Variants in MOBP observed in about 807,000 individuals in gnomAD.
The protein encoded by MOBP is myelin-associated oligodendrocyte basic protein.
Under a neutral mutation model 15.0 loss-of-function variants are expected in MOBP, and 5 were observed. That is an observed-to-expected ratio of 0.33 (90% CI 0.17 to 0.70). MOBP has a LOEUF of 0.70. Among genes scored for constraint, MOBP ranks in the 30% least tolerant of loss-of-function variants. The probability of loss-of-function intolerance (pLI) is 0.67; values close to 1 mark genes in which losing one functional copy is unlikely to be tolerated. For missense variants in MOBP, 188 were observed against 257.8 expected (o/e 0.73, Z 1.85); for synonymous variants, 88 against 99.0 (o/e 0.89, Z 0.66).
intron 2 of MOBP, among the ~76,000 whole-genome samples, chr3:39,490,451 A>G (rs1185674584): frequency 6.6e-6 from 1 of 152,226 alleles, no homozygotes; most frequent in Non-Finnish European, 1.5e-5. Flanking sequence ...ACTCAAAGTT[A>G]ATTTTTCATG....
intron 2 of MOBP, among the ~76,000 whole-genome samples, chr3:39,485,923 TC>T (rs1315902245): frequency 1.4e-5 from 2 of 144,754 alleles, no homozygotes; most frequent in Non-Finnish European, 3.0e-5. Flanking sequence ...TTCTATTATT[TC>T]CCTGTTTGTC....
At chr3:39,496,173 T>G (rs185767244) in intron 2 of MOBP, among the ~76,000 whole-genome samples, 83 of 151,960 alleles carry the variant, frequency 5.5e-4, no homozygotes, top group African/African-American at 2.0e-3. Context: ...TTTATGAATT[T>G]GTATTATTTT....
At chr3:39,488,411 C>T (rs2042747088) in intron 2 of MOBP, among the ~76,000 whole-genome samples, 1 of 152,178 alleles carries the variant, frequency 6.6e-6, no homozygotes, top group South Asian at 2.1e-4. Context: ...GGCTGTCTAC[C>T]TAATTTCTCT....
At chr3:39,481,492 A>G (rs1257752377) in intron 2 of MOBP, among the ~76,000 whole-genome samples, 1 of 152,026 alleles carries the variant, frequency 6.6e-6, no homozygotes, top group African/African-American at 2.4e-5. Flanking sequence ...TATTATTTCT[A>G]TTTCTTCCTC....
downstream of MOBP, among the ~76,000 whole-genome samples, chr3:39,507,815 T>G (rs1324084955): frequency 6.6e-6 from 1 of 152,258 alleles, no homozygotes. Flanking sequence ...TCACAGCAAC[T>G]GTTCTTAAAC....
At chr3:39,470,584 C>T (rs2042455718) in intron 1 of MOBP, among the ~76,000 whole-genome samples, 1 of 151,952 alleles carries the variant, frequency 6.6e-6, no homozygotes, top group East Asian at 1.9e-4. Context: ...TTTAAAGTTA[C>T]AAAAATTTAA....
chr3:39,502,747 G>C lies in MOBP; in HGVS notation c.419G>C (p.Arg140Pro). Residue 140 changes from arginine (R) to proline (P), a missense_variant, in exon 4 of 4, where the codon CGC (arginine) becomes CCC (proline). Coordinates refer to ENST00000684792, the MANE Select transcript of MOBP (RefSeq NM_001393704.1). This position sits in a 1 kb window ranked among gnomAD's most constrained non-coding sequence, Gnocchi z 6.3. ...AGGTCTGAGCGTCAGCCACGTCCCCGCCCAGAGGTCCGACCACCGCCAGCC... is the reference window on the plus strand; with the variant it reads ...AGGTCTGAGCGTCAGCCACGTCCCCCCCCAGAGGTCCGACCACCGCCAGCC... ...PPRSERQPRP[R>P]PEVRPPPAKQ... The C allele has an allele frequency of 1.3e-6, 2 of 1,533,706 alleles. No homozygotes were observed. Among genetic ancestry groups the C allele is most frequent in the Non-Finnish European group, 1.7e-6 (2 of 1,145,694 alleles).
At position 39,495,448 on chromosome 3, in the gene MOBP, G is replaced by GA. The variant is rs529788900; in HGVS notation, c.-4-6608dup. ...TATATGAAGCATTTGACTCAATAAG[G>GA]AAAAAAAAAATAACACAAATATAAA... On this transcript the variant is annotated intron_variant, in intron 2 of 3. Transcript: ENST00000684792. Among the ~76,000 whole-genome samples the GA allele has an allele frequency of 9.4e-3, 1,382 of 147,570 alleles. 11 individuals carry two copies. The highest frequency in any genetic ancestry group is 0.013 in the Non-Finnish European group (875 of 66,606).
chr3:39,474,615 A>G (rs1025005897), intron 1 of MOBP, among the ~76,000 whole-genome samples: 2 of 152,172 alleles, frequency 1.3e-5, no homozygotes, highest in South Asian at 4.1e-4. Context: ...CCTAACTTAT[A>G]CACATCATCC....
chr3:39,485,355 T>C (rs1044534460), intron 2 of MOBP, among the ~76,000 whole-genome samples: 1 of 152,178 alleles, frequency 6.6e-6, no homozygotes, highest in African/African-American at 2.4e-5. Context: ...ACTGTGTAAA[T>C]CTACACTCAG....
Position 39,482,289 on chromosome 3 carries a change from A to G in MOBP, c.-5+2166A>G, listed in dbSNP as rs189408474. Among the ~76,000 whole-genome samples the G allele has an allele frequency of 1.1e-3, 163 of 152,244 alleles. 1 individual carries two copies. The highest frequency in any genetic ancestry group is 3.0e-3 in the African/African-American group (126 of 41,542). On this transcript the variant is annotated intron_variant, in intron 2 of 3. Transcript: ENST00000684792. Reference sequence around the variant, plus strand: ...TTTTGTCACCACCTTCATTAATCACATGGCCTCCTGGAATGGGCTTTGCCC... The same window carrying G: ...TTTTGTCACCACCTTCATTAATCACGTGGCCTCCTGGAATGGGCTTTGCCC...
chr3:39,500,317 GTTAAA>G (rs756060558), intron 2 of MOBP, among the ~76,000 whole-genome samples: 19 of 152,164 alleles, frequency 1.2e-4, no homozygotes, highest in Non-Finnish European at 2.1e-4. Context: ...TATAGTAAAT[GTTAAA>G]TTAAATGGGT....
rs192145115 is a variant in MOBP, at chr3:39,491,916, G to T, written c.-4-10150G>T. Among the ~76,000 whole-genome samples, 246 of 152,238 alleles carry T rather than the reference G, an allele frequency of 1.6e-3. 1 individual carries two copies. The highest frequency in any genetic ancestry group is 0.012 in the East Asian group (63 of 5,174). ...CATCCAGATAGGTTTAAAATTTTTT[G>T]TGTGTGTATGAGGGGCAGTGACACA... On this transcript the variant is annotated intron_variant, in intron 2 of 3. Coordinates refer to ENST00000684792, the MANE Select transcript of MOBP (RefSeq NM_001393704.1).
chr3:39,488,364 C>T (rs1380413246), intron 2 of MOBP, among the ~76,000 whole-genome samples: 1 of 152,156 alleles, frequency 6.6e-6, no homozygotes, highest in African/African-American at 2.4e-5. Context: ...TTTTCTTCCC[C>T]ATCCCTAAAC....
chr3:39,529,298 A>G (rs2043365863), downstream of MOBP: 1 of 152,140 alleles, frequency 6.6e-6, no homozygotes, highest in South Asian at 2.1e-4. Context: ...AAAATAAAGT[A>G]TAGGAAATAC....
At chr3:39,523,977 C>A (rs1395385840) in intron 3 of MOBP, among the ~76,000 whole-genome samples, 1 of 152,158 alleles carries the variant, frequency 6.6e-6, no homozygotes, top group Non-Finnish European at 1.5e-5. Flanking sequence ...CTGCAGCATC[C>A]TGATGGCTAA....
At chr3:39,468,507 A>G (rs1247009870) in intron 1 of MOBP, among the ~76,000 whole-genome samples, 1 of 152,094 alleles carries the variant, frequency 6.6e-6, no homozygotes, top group Non-Finnish European at 1.5e-5. Flanking sequence ...GAATGACAGG[A>G]AACTTGTTGG....
downstream of MOBP, among the ~76,000 whole-genome samples, chr3:39,506,514 G>T (rs192647891): frequency 3.3e-3 from 501 of 152,278 alleles, 1 homozygote; most frequent in Middle Eastern, 0.017. Context: ...GGGTTCCTGG[G>T]ACTTAGTCCT....
In MOBP at chr3:39,502,041, G is replaced by A. The variant is rs200920961; in HGVS notation, c.-4-25G>A. 2.7e-5 allele frequency: 44 copies of A among 1,602,742 alleles called. No individual in the cohort carries two copies. The East Asian group carries it at 9.6e-4, about 35-fold the overall frequency. On this transcript the variant is annotated intron_variant, in intron 2 of 3. Transcript: ENST00000684792. The surrounding 1 kb of genome is among the most constrained non-coding windows in gnomAD (Gnocchi z 6.3). Reference sequence around the variant, plus strand: ...CTGATGTGCGTTTATGTCTCCTCCTGTCTCCTTGCATCGGCGATTTCCAGT... The same window carrying A: ...CTGATGTGCGTTTATGTCTCCTCCTATCTCCTTGCATCGGCGATTTCCAGT...
Sources: allele counts gnomAD v4.1 joint callset (sites outside exome capture counted in the v4.1 genomes callset), GRCh38; gene constraint gnomAD v4.1.1; non-coding constraint Gnocchi (gnomAD v3.1); transcripts MANE v1.5; gene names NCBI Gene and HGNC (gene_info 2026-07-23, HGNC 2026-07-21).